CFAP20DC: variants seen among roughly 807,000 people sequenced by gnomAD.
CFAP20DC encodes protein CFAP20DC.
Under a neutral mutation model 101.7 loss-of-function variants are expected in CFAP20DC, and 84 were observed. The observed-to-expected ratio is 0.83, with a 90% CI of 0.69 to 0.99. The LOEUF is 0.99. Ranked by LOEUF, CFAP20DC falls within the 50% of genes least tolerant of loss-of-function variation. The pLI is 0.00. For missense variants in CFAP20DC, 1,007 were observed against 970.3 expected (o/e 1.04, Z -0.50); for synonymous variants, 359 against 351.2 (o/e 1.02, Z -0.25).
chr3:58,810,911 C>A (rs1478232636), intron 14 of CFAP20DC, among the ~76,000 whole-genome samples: 1 of 151,748 alleles, frequency 6.6e-6, no homozygotes, highest in Admixed American at 6.6e-5. Flanking sequence ...ACACCAATAA[C>A]AGGCAAACAG....
intron 3 of CFAP20DC, among the ~76,000 whole-genome samples, chr3:58,725,347 T>C (rs1279213142): frequency 1.3e-5 from 2 of 152,204 alleles, no homozygotes; most frequent in African/African-American, 4.8e-5. Flanking sequence ...TGGAGCTCTT[T>C]GGACTGTTTC....
In CFAP20DC at chr3:58,974,377, T is replaced by A. The variant is rs77234455; in HGVS notation, c.279-36615A>T. The stretch of plus-strand genomic sequence containing the variant: ...TGTGGTATTTGGTTTTCTGTTCTGG[T>A]GTTAATTCACTTAGGAAAATGGACC... On this transcript the variant is annotated intron_variant, in intron 4 of 16. Coordinates refer to ENST00000482387, the MANE Select transcript of CFAP20DC (RefSeq NM_001394063.1). Among the ~76,000 whole-genome samples, 1,102 of 152,280 alleles carry A rather than the reference T, an allele frequency of 7.2e-3. 16 individuals are homozygous for A. Among genetic ancestry groups the A allele is most frequent in the African/African-American group, 0.025 (1,049 of 41,544 alleles).
intron 12 of CFAP20DC, among the ~76,000 whole-genome samples, chr3:58,860,810 C>T (rs2079185514): frequency 6.6e-6 from 1 of 152,156 alleles, no homozygotes. Flanking sequence ...GAAAAGCACT[C>T]TATTTTAATA....
intron 6 of CFAP20DC, among the ~76,000 whole-genome samples, chr3:58,888,822 T>A (rs2106701852): frequency 1.3e-5 from 2 of 152,276 alleles, no homozygotes; most frequent in Middle Eastern, 6.8e-3. Flanking sequence ...CTCCTTTGGG[T>A]ATATACCTAG....
rs891481268 is a variant in CFAP20DC at position 58,869,910 on chromosome 3, T to C, written c.852+263A>G. ...AAATGTGCTCACTTATATTTGCCTT[T>C]AAATTTTGTGAACATATTTAATGAA... On this transcript the variant is annotated intron_variant, in intron 8 of 16. Transcript: ENST00000482387. This position sits in a 1 kb window ranked among gnomAD's most constrained non-coding sequence, Gnocchi z 4.3. 6.6e-6 allele frequency among the ~76,000 whole-genome samples: 1 copy of C among 152,282 alleles called. No individual in the cohort carries two copies. The highest frequency in any genetic ancestry group is 1.5e-5 in the Non-Finnish European group (1 of 68,048).
chr3:58,969,925 C>A (rs1021050268), intron 4 of CFAP20DC, among the ~76,000 whole-genome samples: 2 of 151,940 alleles, frequency 1.3e-5, no homozygotes, highest in South Asian at 2.1e-4. Context: ...TGAAAACATT[C>A]AAAAATTACA....
chr3:58,841,139 C>G (rs183535109), intron 13 of CFAP20DC, among the ~76,000 whole-genome samples: 99 of 152,348 alleles, frequency 6.5e-4, no homozygotes, highest in Non-Finnish European at 8.2e-4. Flanking sequence ...AGTGAACCTG[C>G]ACAGTTAGCC....
intron 15 of CFAP20DC, among the ~76,000 whole-genome samples, chr3:58,805,745 T>A (rs2074008334): frequency 6.6e-6 from 1 of 152,212 alleles, no homozygotes; most frequent in African/African-American, 2.4e-5. Context: ...ATCAGAAAGT[T>A]GTAGAATAAT....
chr3:58,958,841 T>A (rs892447317), intron 4 of CFAP20DC, among the ~76,000 whole-genome samples: 5 of 152,180 alleles, frequency 3.3e-5, no homozygotes, highest in African/African-American at 7.2e-5. Flanking sequence ...GTAAAAATTT[T>A]AAAATATTTT....
At chr3:58,739,499 T>C (rs2067833367), downstream of CFAP20DC, among the ~76,000 whole-genome samples, 1 of 152,242 alleles carries the variant, frequency 6.6e-6, no homozygotes, top group East Asian at 1.9e-4. Context: ...AGTCTTAAAA[T>C]GAAAACTAAT....
rs114107158 is a variant in CFAP20DC, at chr3:59,012,168, A to C, written c.278+27389T>G. Among the ~76,000 whole-genome samples, 481 of 152,340 alleles carry C rather than the reference A, an allele frequency of 3.2e-3. 4 individuals carry two copies. Among genetic ancestry groups the C allele is most frequent in the African/African-American group, 0.011 (463 of 41,580 alleles). On this transcript the variant is annotated intron_variant, in intron 4 of 16. Transcript: ENST00000482387. The stretch of plus-strand genomic sequence containing the variant: ...ATTTTATGAGAAGCACAGAAGATGA[A>C]GTAGTCATTAATTCAACTTGGAAGA...
rs749808440 is a variant in CFAP20DC at position 58,861,953 on chromosome 3, T to G, written c.1593+1605A>C. 6.1e-6 allele frequency: 6 copies of G among 984,714 alleles called. No homozygotes were observed. Among genetic ancestry groups the G allele is most frequent in the Non-Finnish European group, 7.2e-6 (6 of 829,310 alleles). The allele number at this position is 984,714 out of a possible 1,614,324, so 61.0% of individuals were successfully genotyped here. On this transcript the variant is annotated intron_variant, in intron 12 of 16. Coordinates refer to ENST00000482387, the MANE Select transcript of CFAP20DC (RefSeq NM_001394063.1). This position sits in a 1 kb window ranked among gnomAD's most constrained non-coding sequence, Gnocchi z 4.0. ...ACGTTGAAGGATGTCAGAGGCAGAG[T>G]AGCTACAGCAAAAGAAAGCATTAAG...
rs2084509064 is a variant in CFAP20DC at position 58,914,810 on chromosome 3, T to C, written c.394-946A>G. 6.6e-6 allele frequency: 1 copy of C among 152,092 alleles called. No individual in the cohort carries two copies. The highest frequency in any genetic ancestry group is 1.5e-5 in the Non-Finnish European group (1 of 68,024). 9.4% of individuals were successfully genotyped at this position (152,092 alleles called of 1,614,324 possible). ...AAGTAAAAGAGACCGAAATACATTA[T>C]TTATTAAATACATGAAGAGTATTTT... On this transcript the variant is annotated intron_variant, in intron 5 of 16. Coordinates refer to ENST00000482387, the MANE Select transcript of CFAP20DC (RefSeq NM_001394063.1). This position sits in a 1 kb window ranked among gnomAD's most constrained non-coding sequence, Gnocchi z 4.9.
rs1575509815 is a variant in CFAP20DC, at chr3:58,717,875, T to C, written c.198-247A>G. On this transcript the variant is annotated intron_variant, in intron 3 of 3. Coordinates refer to the CFAP20DC transcript ENST00000486145. This position sits in a 1 kb window ranked among gnomAD's most constrained non-coding sequence, Gnocchi z 4.1. ...CCAAACCAGAGTTGCATTAGGAAGA[T>C]GAAGGGAAGGAGAAAATTGGGTAAA... Among the ~76,000 whole-genome samples the C allele has an allele frequency of 1.3e-5, 2 of 152,096 alleles. No homozygotes were observed. Among genetic ancestry groups the C allele is most frequent in the South Asian group, 2.1e-4 (1 of 4,824 alleles).
chr3:58,794,276 C>A (rs1263182811), intron 15 of CFAP20DC: 3 of 448,302 alleles, frequency 6.7e-6, no homozygotes. Flanking sequence ...ATTTTCTTGT[C>A]CTGAGCACCA....
chr3:59,028,814 T>C (rs2093937477), intron 4 of CFAP20DC, among the ~76,000 whole-genome samples: 1 of 152,212 alleles, frequency 6.6e-6, no homozygotes, highest in African/African-American at 2.4e-5. Context: ...CATAAGTGCT[T>C]AATGTTAGCC....
intron 5 of CFAP20DC, among the ~76,000 whole-genome samples, chr3:58,937,197 G>C (rs2087812874): frequency 6.6e-6 from 1 of 152,164 alleles, no homozygotes; most frequent in East Asian, 1.9e-4. Context: ...CTGGCAACAA[G>C]ATTAATTGTT....
At position 58,912,196 on chromosome 3, in the gene CFAP20DC, G is replaced by C. The variant is rs116535277; in HGVS notation, c.550+1512C>G. Among the ~76,000 whole-genome samples the C allele has an allele frequency of 4.3e-3, 648 of 152,132 alleles. 3 individuals carry two copies. The highest frequency in any genetic ancestry group is 0.015 in the African/African-American group (624 of 41,506). ...TTGAAACATGCATTTACTTTGCTAT[G>C]TTTGATCCACTTTTTTCTTTACATT... On this transcript the variant is annotated intron_variant, in intron 6 of 16. Coordinates refer to ENST00000482387, the MANE Select transcript of CFAP20DC (RefSeq NM_001394063.1). The surrounding 1 kb of genome is among the most constrained non-coding windows in gnomAD (Gnocchi z 4.4).
chr3:58,842,859 A>AC (rs911431721), intron 13 of CFAP20DC, among the ~76,000 whole-genome samples: 1 of 152,100 alleles, frequency 6.6e-6, no homozygotes, highest in Non-Finnish European at 1.5e-5. Context: ...CTGACCCCTG[A>AC]CCCCCGAGCA....
Sources: gnomAD v4.1 joint callset for allele counts (sites outside exome capture counted in the v4.1 genomes callset) on GRCh38, gnomAD v4.1.1 for gene constraint, Gnocchi (gnomAD v3.1) non-coding constraint, MANE v1.5 for transcripts, NCBI Gene and HGNC (gene_info 2026-07-23, HGNC 2026-07-21) for gene names.